The following ARAP2 variants were observed in gnomAD, a reference collection of about 807,000 sequenced individuals.
ARAP2 encodes ArfGAP with RhoGAP domain, ankyrin repeat and PH domain 2.
In ARAP2, 148 loss-of-function variants were observed where a neutral mutation model predicts 194.5. The observed-to-expected ratio is 0.76, with a 90% confidence interval of 0.67 to 0.87. ARAP2 has a LOEUF of 0.87. Ranked by LOEUF, ARAP2 falls within the 40% of genes least tolerant of loss-of-function variation. ARAP2 has a pLI of 0.00. For missense variants in ARAP2, 2,128 were observed against 1,989.7 expected, an observed-to-expected ratio of 1.07 and a Z score of -1.32; for synonymous variants, 695 against 683.5, an observed-to-expected ratio of 1.02 and a Z score of -0.26.
chr4:36,163,967 G>A (rs899603088), intron 11 of ARAP2, among the ~76,000 whole-genome samples: 26 of 152,156 alleles, frequency 1.7e-4, no homozygotes, highest in African/African-American at 4.6e-4. Context: ...CTAGAAAAGC[G>A]TTCAGGATTT....
chr4:36,132,628 A>G (rs1725703287), intron 20 of ARAP2, among the ~76,000 whole-genome samples: 1 of 151,814 alleles, frequency 6.6e-6, no homozygotes, highest in Admixed American at 6.6e-5. Context: ...TAAAATACTA[A>G]CATAGCATAT....
At chr4:36,120,745 T>C (rs1025193886) in intron 23 of ARAP2, among the ~76,000 whole-genome samples, 5 of 151,624 alleles carry the variant, frequency 3.3e-5, no homozygotes, top group Non-Finnish European at 7.4e-5. Flanking sequence ...CACCATAGAA[T>C]AATAATATTT....
At chr4:36,083,694 T>C (rs927647589) in intron 28 of ARAP2, among the ~76,000 whole-genome samples, 4 of 152,194 alleles carry the variant, frequency 2.6e-5, no homozygotes, top group East Asian at 3.8e-4. Flanking sequence ...CACATGTATA[T>C]ACAGACATGC....
At chr4:36,118,964 CT>C (rs1722050452) in intron 24 of ARAP2, among the ~76,000 whole-genome samples, 2 of 151,368 alleles carry the variant, frequency 1.3e-5, no homozygotes, top group Non-Finnish European at 3.0e-5. Flanking sequence ...CATTATGTAT[CT>C]GTAAACAGAG....
At chr4:36,087,330 G>C (rs1287374098) in intron 28 of ARAP2, among the ~76,000 whole-genome samples, 3 of 152,062 alleles carry the variant, frequency 2.0e-5, no homozygotes, top group Non-Finnish European at 2.9e-5. Context: ...AAAAATTAAA[G>C]TATCAGTTGC....
At chr4:36,237,823 T>C (rs542713857) in intron 1 of ARAP2, among the ~76,000 whole-genome samples, 8 of 152,306 alleles carry the variant, frequency 5.3e-5, no homozygotes, top group East Asian at 3.9e-4. Context: ...ACCGTGTTAT[T>C]TGCACATCAA....
In ARAP2 at chr4:36,187,508, T is replaced by C. The variant is rs1223473431; in HGVS notation, c.1621A>G (p.Asn541Asp). Residue 541 changes from asparagine (N) to aspartate (D), a missense_variant, in exon 8 of 33, where the codon AAC (asparagine) becomes GAC (aspartate). Coordinates refer to ENST00000303965, the MANE Select transcript of ARAP2 (RefSeq NM_015230.4). Reference protein sequence around the residue: ...AISTVRVQGDNKFEVVTTQRT... With the variant: ...AISTVRVQGDDKFEVVTTQRT... ...TGTGTTGTAACAACTTCAAATTTGT[T>C]GTCTCCTTGAACTCGTACTGTTGAT... The C allele has an allele frequency of 6.4e-7, 1 of 1,551,118 alleles. No individual in the cohort carries two copies. Among genetic ancestry groups the C allele is most frequent in the Non-Finnish European group, 8.7e-7 (1 of 1,143,992 alleles).
intron 16 of ARAP2, among the ~76,000 whole-genome samples, chr4:36,150,215 A>G (rs28475773): frequency 0.59 from 89,372 of 152,050 alleles, 26,848 homozygotes; most frequent in East Asian, 0.84. Flanking sequence ...ATCGTCATAG[A>G]ATATTCTCCT....
intron 5 of ARAP2, among the ~76,000 whole-genome samples, chr4:36,039,088 C>T (rs1032460684): frequency 4.6e-5 from 7 of 152,096 alleles, no homozygotes; most frequent in African/African-American, 1.2e-4. Flanking sequence ...AAGGAGAATT[C>T]GGATATTTGT....
chr4:36,122,944 T>G (rs545959106), intron 22 of ARAP2, among the ~76,000 whole-genome samples: 33 of 151,718 alleles, frequency 2.2e-4, no homozygotes, highest in African/African-American at 7.7e-4. Flanking sequence ...CAGATTCAGG[T>G]AGCTACAAGA....
In ARAP2 at chr4:36,133,402, A is replaced by T; in HGVS notation, c.3264-13T>A. On this transcript the variant is annotated splice_polypyrimidine_tract_variant and intron_variant, in intron 19 of 32. Transcript: ENST00000303965. ...GATGTATAATGTTCTGTAAAGTTTAAAAAGCATTTCAAATTATAATTTTGC... is the reference window on the plus strand; with the variant it reads ...GATGTATAATGTTCTGTAAAGTTTATAAAGCATTTCAAATTATAATTTTGC... 6.3e-7 allele frequency: 1 copy of T among 1,595,658 alleles called. No individual in the cohort carries two copies. Among genetic ancestry groups the T allele is most frequent in the Admixed American group, 1.8e-5 (1 of 56,444 alleles).
chr4:36,165,031 C>A lies in ARAP2; in HGVS notation c.2056G>T (p.Glu686Ter). 1 of 1,614,092 alleles carries A rather than the reference C, an allele frequency of 6.2e-7. No homozygotes were observed. The highest frequency in any genetic ancestry group is 8.5e-7 in the Non-Finnish European group (1 of 1,179,946). The part of the protein sequence containing the change: ...QSIAETLSDY[E>*]VAEKIWFNES... ...TTGAACCAAATCTTCTCAGCTACTT[C>A]ATAATCAGAGAGAGTTTCTGCTATT... The change falls in exon 11 of 33, where the codon GAA (glutamate) becomes TAA (stop). Residue 686 changes from glutamate (E) to a stop codon, truncating the protein, a stop_gained. Coordinates refer to ENST00000303965, the MANE Select transcript of ARAP2 (RefSeq NM_015230.4). LOFTEE classifies it high-confidence loss of function.
chr4:36,190,474 T>C (rs1328749427), intron 7 of ARAP2, among the ~76,000 whole-genome samples: 1 of 152,216 alleles, frequency 6.6e-6, no homozygotes, highest in South Asian at 2.1e-4. Context: ...ATCACAATTA[T>C]AACAATCTCT....
At chr4:36,060,620 C>T (rs1209067811) in intron 1 of ARAP2, among the ~76,000 whole-genome samples, 1 of 152,032 alleles carries the variant, frequency 6.6e-6, no homozygotes, top group Non-Finnish European at 1.5e-5. Flanking sequence ...CTAAGGTTAC[C>T]ATAACAAAAC....
At chr4:36,089,230 A>G (rs530270888) in intron 28 of ARAP2, among the ~76,000 whole-genome samples, 1 of 152,210 alleles carries the variant, frequency 6.6e-6, no homozygotes, top group South Asian at 2.1e-4. Flanking sequence ...CTTATATGAT[A>G]CTATTTTGTG....
rs115769252 is a variant in ARAP2, at chr4:36,178,725, G to A, written c.1679-720C>T. 3.2e-3 allele frequency among the ~76,000 whole-genome samples: 490 copies of A among 152,226 alleles called. 3 individuals are homozygous for A. The highest frequency in any genetic ancestry group is 2.3e-3 in the Non-Finnish European group (159 of 67,990). ...CATAATGGAACACAGTAGTATAAAC[G>A]TCATATAAATGGTATGAAATAATAT... On this transcript the variant is annotated intron_variant, in intron 8 of 32. Coordinates refer to ENST00000303965, the MANE Select transcript of ARAP2 (RefSeq NM_015230.4).
At chr4:36,222,486 G>A (rs1247005078) in intron 2 of ARAP2, among the ~76,000 whole-genome samples, 1 of 151,434 alleles carries the variant, frequency 6.6e-6, no homozygotes, top group African/African-American at 2.4e-5. Flanking sequence ...ATATTAATGT[G>A]GAAAAATCAC....
intron 31 of ARAP2, among the ~76,000 whole-genome samples, chr4:36,077,112 C>G (rs1275541905): frequency 6.6e-6 from 1 of 152,030 alleles, no homozygotes; most frequent in Admixed American, 6.6e-5. Flanking sequence ...CTGGCAGGAA[C>G]TAAGGACTAG....
intron 3 of ARAP2, among the ~76,000 whole-genome samples, chr4:36,049,151 A>AT (rs1722274723): frequency 6.6e-6 from 1 of 152,102 alleles, no homozygotes; most frequent in African/African-American, 2.4e-5. Context: ...CTGTAAAAAA[A>AT]AAAGTCTTTG....
Sources: allele counts gnomAD v4.1 joint callset (sites outside exome capture counted in the v4.1 genomes callset), GRCh38; gene constraint gnomAD v4.1.1; transcripts MANE v1.5; gene names NCBI Gene and HGNC (gene_info 2026-07-23, HGNC 2026-07-21).